The following CATSPERE variants were observed in gnomAD, a reference collection of about 807,000 sequenced individuals.
CATSPERE encodes the protein catsper channel auxiliary subunit epsilon.
CATSPERE carries 93 observed loss-of-function variants against 114.1 expected under a neutral mutation model. The ratio of observed to expected loss-of-function variants is 0.81; its 90% CI spans 0.69 to 0.97. The LOEUF is 0.97. CATSPERE is among the 50% of genes least tolerant of loss of function. CATSPERE has a pLI of 0.00. For synonymous variants in CATSPERE, 341 were observed against 384.1 expected (o/e 0.89, Z 1.31); for missense variants, 1,058 against 1,131.6 (o/e 0.93, Z 0.93).
chr1:244,475,457 C>T (rs974830301), intron 2 of CATSPERE, among the ~76,000 whole-genome samples: 1 of 151,804 alleles, frequency 6.6e-6, no homozygotes, highest in Non-Finnish European at 1.5e-5. Context: ...TGGTCTCGAA[C>T]TCCTGGCCTC....
At position 244,610,291 on chromosome 1, in the gene CATSPERE, A is replaced by G. The variant is rs1306538045; in HGVS notation, c.2455A>G (p.Lys819Glu). 2 of 1,613,168 alleles carry G rather than the reference A, an allele frequency of 1.2e-6. No individual in the cohort carries two copies. Among genetic ancestry groups the G allele is most frequent in the African/African-American group, 2.7e-5 (2 of 74,912 alleles). ...ATGGAAGTCAATGATTGAACTTAACAAGCACCTCCCACTAGAAGAAGTCTG... is the reference window on the plus strand; with the variant it reads ...ATGGAAGTCAATGATTGAACTTAACGAGCACCTCCCACTAGAAGAAGTCTG... ...QTWKSMIELN[K>E]HLPLEEVWGP... is the part of the protein sequence containing the mutation. The change falls in exon 19 of 22, where the codon AAG becomes GAG. Residue 819 changes from lysine to glutamate, a missense_variant. Transcript: ENST00000366534.
intron 8 of CATSPERE, among the ~76,000 whole-genome samples, chr1:244,523,294 T>C (rs1677923342): frequency 6.8e-6 from 1 of 147,272 alleles, no homozygotes; most frequent in Non-Finnish European, 1.5e-5. Flanking sequence ...TAACCCTTCA[T>C]GCTAAAAACT....
At position 244,504,006 on chromosome 1, in the gene CATSPERE, T is replaced by C. The variant is rs1242604375; in HGVS notation, c.429+4927T>C. ...CTATGACCTGGAGATATTTCATGCT[T>C]ATTTTTTTCCTTTTTTTCTAAAGTT... On this transcript the variant is annotated intron_variant, in intron 7 of 21. Coordinates refer to ENST00000366534, the MANE Select transcript of CATSPERE (RefSeq NM_001130957.2). This position sits in a 1 kb window ranked among gnomAD's most constrained non-coding sequence, Gnocchi z 4.1. Among the ~76,000 whole-genome samples, 1 of 152,242 alleles carries C rather than the reference T, an allele frequency of 6.6e-6. No individual in the cohort carries two copies. Among genetic ancestry groups the C allele is most frequent in the Non-Finnish European group, 1.5e-5 (1 of 68,044 alleles).
chr1:244,498,856 C>G (rs781598617), intron 6 of CATSPERE, 146 bp from the exon 7 acceptor site: 3 of 485,134 alleles, frequency 6.2e-6, no homozygotes, highest in Non-Finnish European at 1.1e-5. Context: ...TGAGATTGCA[C>G]CCCTGCACTC....
rs3123469 is a variant in CATSPERE at position 244,486,490 on chromosome 1, G to A, written c.327-3957G>A. Among the ~76,000 whole-genome samples, 684 of 83,434 alleles carry A rather than the reference G, an allele frequency of 8.2e-3. 1 individual carries two copies. The highest frequency in any genetic ancestry group is 0.042 in the Middle Eastern group (4 of 96). The allele number at this position is 83,434 out of a possible 152,430, so 54.7% of individuals were successfully genotyped here. On this transcript the variant is annotated intron_variant, in intron 5 of 21. Coordinates refer to ENST00000366534, the MANE Select transcript of CATSPERE (RefSeq NM_001130957.2). ...ACCTGGTGGGTGGTCCAGCATGTGG[G>A]GTACTCGTGGGCCAGGTGTAGACCC... is the stretch of plus-strand genomic sequence containing the variant.
At chr1:244,521,482 A>C (rs1677554412) in intron 8 of CATSPERE, among the ~76,000 whole-genome samples, 1 of 152,226 alleles carries the variant, frequency 6.6e-6, no homozygotes, top group Non-Finnish European at 1.5e-5. Context: ...TATTACATTA[A>C]TAGCTTAAAG....
intron 14 of CATSPERE, among the ~76,000 whole-genome samples, chr1:244,589,949 G>A (rs1257067055): frequency 1.3e-5 from 2 of 152,118 alleles, no homozygotes; most frequent in African/African-American, 2.4e-5. Flanking sequence ...AAGTTACAGT[G>A]GGCCTATGGA....
chr1:244,606,882 G>A (rs1447075024), intron 18 of CATSPERE, among the ~76,000 whole-genome samples: 7 of 151,996 alleles, frequency 4.6e-5, no homozygotes, highest in South Asian at 2.1e-4. Flanking sequence ...GGTTACAGGC[G>A]TGAGCCACCG....
chr1:244,548,558 A>G (rs1346309663), intron 8 of CATSPERE, among the ~76,000 whole-genome samples: 1 of 152,214 alleles, frequency 6.6e-6, no homozygotes, highest in African/African-American at 2.4e-5. Context: ...TTCTGCCATA[A>G]TTATCATCCA....
intron 11 of CATSPERE, among the ~76,000 whole-genome samples, chr1:244,576,449 A>G (rs962888335): frequency 6.0e-5 from 9 of 150,020 alleles, no homozygotes. Context: ...TACTTTCTGC[A>G]GAAAGGGTGC....
At chr1:244,461,544 G>A (rs756581431) in intron 1 of CATSPERE, 50 bp downstream of exon 1, 17 of 1,253,004 alleles carry the variant, frequency 1.4e-5, no homozygotes, top group Non-Finnish European at 1.7e-5. Flanking sequence ...ATTACCCCCG[G>A]CGGGGCAGGC....
At chr1:244,547,641 T>C (rs1055210965) in intron 8 of CATSPERE, among the ~76,000 whole-genome samples, 2 of 152,190 alleles carry the variant, frequency 1.3e-5, no homozygotes, top group African/African-American at 2.4e-5. Context: ...TAAGATGTTA[T>C]GTGTAAGCCT....
chr1:244,617,636 C>A lies in CATSPERE; in HGVS notation c.2598C>A (p.Gly866=). The change falls in exon 20 of 22, where the codon GGC becomes GGA. Residue 866 remains glycine (G), a synonymous_variant. Coordinates refer to ENST00000366534, the MANE Select transcript of CATSPERE (RefSeq NM_001130957.2). ...GTAACCATATATTTTGGCCCATGGG[C>A]CATTCTGGAATGTATGTATTTCGTG... The part of the protein sequence containing the change: ...SNGNHIFWPM[G]HSGMYVFRVK... 6.5e-7 allele frequency: 1 copy of A among 1,544,744 alleles called. No individual in the cohort carries two copies. Among genetic ancestry groups the A allele is most frequent in the African/African-American group, 1.4e-5 (1 of 72,496 alleles).
intron 11 of CATSPERE, among the ~76,000 whole-genome samples, chr1:244,581,533 G>T (rs770446194): frequency 5.3e-5 from 8 of 152,128 alleles, no homozygotes; most frequent in Non-Finnish European, 1.0e-4. Context: ...AAAGTTGAAA[G>T]AATTTTACAT....
chr1:244,452,334 G>C (rs887528999), upstream of CATSPERE, among the ~76,000 whole-genome samples: 4 of 152,274 alleles, frequency 2.6e-5, no homozygotes, highest in Admixed American at 2.6e-4. Context: ...GCCATCTGCA[G>C]GTTTGTCTGG....
Position 244,540,845 on chromosome 1 carries a change from A to G in CATSPERE, c.537-11477A>G, listed in dbSNP as rs1217231358. 5.5e-4 allele frequency among the ~76,000 whole-genome samples: 42 copies of G among 76,420 alleles called. 1 individual carries two copies. The highest frequency in any genetic ancestry group is 1.5e-3 in the African/African-American group (39 of 26,542). 50.1% of individuals were successfully genotyped at this position (76,420 alleles called of 152,430 possible). A position where few individuals can be genotyped will look rare whatever the true frequency, so the allele number is the denominator to read the frequency against. On this transcript the variant is annotated intron_variant, in intron 8 of 21. Coordinates refer to ENST00000366534, the MANE Select transcript of CATSPERE (RefSeq NM_001130957.2). ...GGAACATAACAGAGCCCTCAGAAAT[A>G]ACGCTGCATATCTACAACTATCTGA...
rs1440597828 is a variant in CATSPERE at position 244,573,832 on chromosome 1, A to G, written c.1950+1060A>G. 6.6e-6 allele frequency among the ~76,000 whole-genome samples: 1 copy of G among 152,236 alleles called. No homozygotes were observed. The highest frequency in any genetic ancestry group is 2.4e-5 in the African/African-American group (1 of 41,466). ...GGGAATGGGAAAAATTCTTGCAGCC[A>G]TCTTTGCAAACAATGTCATAATAGG... On this transcript the variant is annotated intron_variant, in intron 11 of 21. Coordinates refer to ENST00000366534, the MANE Select transcript of CATSPERE (RefSeq NM_001130957.2). This position sits in a 1 kb window ranked among gnomAD's most constrained non-coding sequence, Gnocchi z 4.0.
At chr1:244,593,261 A>C (rs1667961119) in intron 15 of CATSPERE, 134 bp from the exon 16 acceptor site, 2 of 814,728 alleles carry the variant, frequency 2.5e-6, no homozygotes, top group South Asian at 1.7e-5. Flanking sequence ...ATACATGTAG[A>C]AAGTGCCTCA....
chr1:244,630,463 C>G (rs1046471192), intron 20 of CATSPERE, among the ~76,000 whole-genome samples: 5 of 152,138 alleles, frequency 3.3e-5, no homozygotes, highest in Admixed American at 3.3e-4. Context: ...TTATCAGATG[C>G]TGGGGGTGGT....
Sources: allele counts gnomAD v4.1 joint callset (sites outside exome capture counted in the v4.1 genomes callset), GRCh38; gene constraint gnomAD v4.1.1; non-coding constraint Gnocchi (gnomAD v3.1); transcripts MANE v1.5; gene names NCBI Gene and HGNC (gene_info 2026-07-23, HGNC 2026-07-21).